Variants in MPDZ observed in about 807,000 individuals in gnomAD.
The protein encoded by MPDZ is multiple PDZ domain crumbs cell polarity complex component.
MPDZ carries 234 observed loss-of-function variants against 239.1 expected under a neutral mutation model. The ratio of observed to expected loss-of-function variants is 0.98; its 90% CI spans 0.88 to 1.09. MPDZ has a LOEUF of 1.09. Among genes scored for constraint, MPDZ ranks in the 50% least tolerant of loss-of-function variants. The probability of loss-of-function intolerance (pLI) is 0.00; values close to 1 mark genes in which losing one functional copy is unlikely to be tolerated. For synonymous variants in MPDZ, 1,048 were observed against 881.3 expected (o/e 1.19, Z -3.35); for missense variants, 3,175 against 2,510.0 (o/e 1.26, Z -5.66).
In MPDZ at chr9:13,224,477, G is replaced by A. The variant is rs1209018108; in HGVS notation, c.290C>T (p.Pro97Leu). Residue 97 changes from proline (P) to leucine (L), a missense_variant, in exon 4 of 47, where the codon CCA (proline) becomes CTA (leucine). Pro to Leu is a moderately conservative substitution (Grantham distance 98). Coordinates refer to ENST00000319217, the MANE Select transcript of MPDZ (RefSeq NM_001378778.1). ...TLQNESFLLS[P>L]NNGNLEALTG... ...AAGTGCTTCCAGATTCCCATTGTTT[G>A]GGGATAATAAAAACGATTCATTTTG... is the stretch of plus-strand genomic sequence containing the variant. The A allele has an allele frequency of 1.2e-6, 2 of 1,612,716 alleles. No individual in the cohort carries two copies. The highest frequency in any genetic ancestry group is 1.7e-6 in the Non-Finnish European group (2 of 1,179,194).
chr9:13,130,211 T>C (rs1445116822), intron 32 of MPDZ, among the ~76,000 whole-genome samples: 3 of 152,194 alleles, frequency 2.0e-5, no homozygotes, highest in Non-Finnish European at 4.4e-5. Flanking sequence ...AGATTCTATG[T>C]ATGAGAGCTT....
chr9:13,265,389 G>C (rs1443830341), intron 1 of MPDZ, among the ~76,000 whole-genome samples: 1 of 152,132 alleles, frequency 6.6e-6, no homozygotes, highest in Non-Finnish European at 1.5e-5. Context: ...GACCAATATG[G>C]AGAAATCCAG....
intron 15 of MPDZ, 46 bp from the exon 16 acceptor site, chr9:13,190,345 T>C (rs1439466080): frequency 2.1e-6 from 3 of 1,432,208 alleles, no homozygotes; most frequent in Non-Finnish European, 2.8e-6. Context: ...TTGCATTAGC[T>C]GACACACATA....
At position 13,205,101 on chromosome 9, in the gene MPDZ, T is replaced by C. The variant is rs1018647210; in HGVS notation, c.1481A>G (p.Tyr494Cys). 2 of 1,405,198 alleles carry C rather than the reference T, an allele frequency of 1.4e-6. No homozygotes were observed. The highest frequency in any genetic ancestry group is 2.3e-4 in the Middle Eastern group (1 of 4,400). The allele number at this position is 1,405,198 out of a possible 1,614,324, so 87.0% of individuals were successfully genotyped here. A position where few individuals can be genotyped will look rare whatever the true frequency, so the allele number is the denominator to read the frequency against. Residue 494 changes from tyrosine to cysteine, a missense_variant, in exon 12 of 47, where the codon TAT becomes TGT. By Grantham distance (194) the Tyr-to-Cys change is radical. Transcript: ENST00000319217. ...PVNASIIKEN[Y>C]EKDEDFLSST... ...AGATAAAAAATCTTCATCTTTTTCATAATTTTCTTAAAGATAAAAATATTT... is the reference window on the plus strand; with the variant it reads ...AGATAAAAAATCTTCATCTTTTTCACAATTTTCTTAAAGATAAAAATATTT...
At chr9:13,186,583 C>T (rs1954137769) in intron 17 of MPDZ, among the ~76,000 whole-genome samples, 197 bp from the exon 18 acceptor site, 1 of 152,060 alleles carries the variant, frequency 6.6e-6, no homozygotes, top group Admixed American at 6.6e-5. Context: ...TTTGATAAGA[C>T]ACAATGAGGA....
chr9:13,224,685 G>C, intron 3 of MPDZ, 102 bp from the exon 4 acceptor site: 1 of 777,422 alleles, frequency 1.3e-6, no homozygotes, highest in South Asian at 2.2e-5. Context: ...ATTTCAAAAT[G>C]TCCAAATCCT....
At chr9:13,161,876 T>C (rs555874361) in intron 23 of MPDZ, among the ~76,000 whole-genome samples, 1 of 152,304 alleles carries the variant, frequency 6.6e-6, no homozygotes, top group South Asian at 2.1e-4. Flanking sequence ...GTATATCAAG[T>C]GCCTTTAAAA....
chr9:13,205,129 G>C (rs1956847218), intron 11 of MPDZ, 22 bp from the exon 12 acceptor site: 4 of 1,278,124 alleles, frequency 3.1e-6, no homozygotes, highest in Non-Finnish European at 3.1e-6. Context: ...AAATATTTTA[G>C]TAATTTTATC....
chr9:13,255,127 T>C (rs1175961271), intron 1 of MPDZ, among the ~76,000 whole-genome samples: 3 of 152,226 alleles, frequency 2.0e-5, no homozygotes, highest in Non-Finnish European at 2.9e-5. Flanking sequence ...TCACCAGGCA[T>C]ACATTTCATC....
rs1484175105 is a variant in MPDZ at position 13,126,606 on chromosome 9, G to C, written c.4558-16C>G. The C allele has an allele frequency of 4.3e-6, 7 of 1,609,888 alleles. No individual in the cohort carries two copies. The Admixed American group carries it at 8.4e-5, about 19-fold the overall frequency. On this transcript the variant is annotated splice_polypyrimidine_tract_variant and intron_variant, in intron 33 of 46. Transcript: ENST00000319217. ...GTCGTCCATCCTAAATGGAAACGTA[G>C]AAGAATTTGAGTGATATTCCAAAAG...
chr9:13,213,817 G>C (rs903101797), intron 10 of MPDZ, among the ~76,000 whole-genome samples: 1 of 152,134 alleles, frequency 6.6e-6, no homozygotes, highest in Non-Finnish European at 1.5e-5. Flanking sequence ...TGAAGATAAT[G>C]ACAAATTTAG....
At position 13,267,438 on chromosome 9, in the gene MPDZ, TTAAG is replaced by T. The variant is rs1186765700; in HGVS notation, c.-58+11958_-58+11961del. On this transcript the variant is annotated intron_variant, in intron 1 of 46. Transcript: ENST00000319217. ...TAGTGTTTTCTCCTTCATGAAGCTT[TTAAG>T]TAATAGAGCTGTCTTACCTATGCTG... Among the ~76,000 whole-genome samples, 4 of 152,178 alleles carry T rather than the reference TTAAG, an allele frequency of 2.6e-5. No homozygotes were observed. In the East Asian group the frequency reaches 7.7e-4, roughly 29 times the overall value.
chr9:13,140,257 C>G, intron 27 of MPDZ, 108 bp from the exon 28 acceptor site: 2 of 1,042,684 alleles, frequency 1.9e-6, no homozygotes, highest in Non-Finnish European at 2.7e-6. Context: ...TTTAAAATAT[C>G]TAACAAATAA....
intron 1 of MPDZ, among the ~76,000 whole-genome samples, chr9:13,256,286 C>G (rs1169828998): frequency 1.3e-5 from 2 of 152,208 alleles, no homozygotes; most frequent in East Asian, 3.8e-4. Context: ...ATCCAGACCA[C>G]TAAAACTTTC....
chr9:13,216,301 T>TC (rs1368858055), intron 10 of MPDZ, among the ~76,000 whole-genome samples: 1 of 151,452 alleles, frequency 6.6e-6, no homozygotes, highest in Non-Finnish European at 1.5e-5. Flanking sequence ...AGCTAGGTTT[T>TC]TTTTTTTTCA....
At chr9:13,237,642 C>T (rs1174348959) in intron 3 of MPDZ, among the ~76,000 whole-genome samples, 2 of 151,366 alleles carry the variant, frequency 1.3e-5, no homozygotes, top group African/African-American at 2.4e-5. Context: ...ATAGAAAAGA[C>T]ATTTTCTCAA....
At chr9:13,203,628 G>T (rs1044033325) in intron 12 of MPDZ, among the ~76,000 whole-genome samples, 34 of 152,012 alleles carry the variant, frequency 2.2e-4, no homozygotes, top group African/African-American at 8.2e-4. Flanking sequence ...TAGTACTAGG[G>T]CAGATGCATT....
chr9:13,229,660 T>C (rs1961788140), intron 3 of MPDZ, among the ~76,000 whole-genome samples: 1 of 147,120 alleles, frequency 6.8e-6, no homozygotes, highest in Admixed American at 6.8e-5. Context: ...AATACCAGAG[T>C]AAAATCTTGG....
chr9:13,171,158 T>C (rs1031586121), intron 21 of MPDZ, among the ~76,000 whole-genome samples: 1 of 152,138 alleles, frequency 6.6e-6, no homozygotes, highest in Non-Finnish European at 1.5e-5. Flanking sequence ...GAAACACATA[T>C]GTAATAGTAC....
Sources: gnomAD v4.1 joint callset for allele counts (sites outside exome capture counted in the v4.1 genomes callset) on GRCh38, gnomAD v4.1.1 for gene constraint, MANE v1.5 for transcripts, NCBI Gene and HGNC (gene_info 2026-07-23, HGNC 2026-07-21) for gene names.